INTS7: variants seen among roughly 807,000 people sequenced by gnomAD.
INTS7 encodes integrator complex subunit 7.
A neutral mutation model predicts 109.2 loss-of-function variants in INTS7; 46 were observed. That is an observed-to-expected ratio of 0.42 (90% CI 0.33 to 0.54). The LOEUF is 0.54. INTS7 is among the 20% of genes least tolerant of loss of function. The pLI, the probability that INTS7 is intolerant of heterozygous loss-of-function variation, is 0.07. For synonymous variants in INTS7, 412 were observed against 402.9 expected, an observed-to-expected ratio of 1.02 and a Z score of -0.27; for missense variants, 929 against 1,132.4, an observed-to-expected ratio of 0.82 and a Z score of 2.58.
At chr1:212,019,559 A>ATATC (rs1459266954) in intron 3 of INTS7, among the ~76,000 whole-genome samples, 4 of 152,232 alleles carry the variant, frequency 2.6e-5, no homozygotes, top group Non-Finnish European at 5.9e-5. Context: ...AGTTATAGAT[A>ATATC]TGATACTATA....
intron 17 of INTS7, among the ~76,000 whole-genome samples, chr1:211,951,960 AG>A (rs1195688492): frequency 6.6e-6 from 1 of 152,244 alleles, no homozygotes; most frequent in Non-Finnish European, 1.5e-5. Context: ...AGAACTTCTT[AG>A]GAAGTGCCAA....
intron 1 of INTS7, among the ~76,000 whole-genome samples, chr1:212,034,807 T>A (rs1667348407): frequency 6.6e-6 from 1 of 152,174 alleles, no homozygotes. Context: ...ACCAAGCTGC[T>A]CCCTGTACGG....
Position 211,959,637 on chromosome 1 carries a change from C to T in INTS7, c.2183+6793G>A, listed in dbSNP as rs890384243. ...GCCACTGCTGCTGGTGCATTCTGCC[C>T]CCATTACCCCCGCATTACCGCCATT... is the stretch of plus-strand genomic sequence containing the variant. On this transcript the variant is annotated intron_variant, in intron 16 of 19. Coordinates refer to ENST00000366994, the MANE Select transcript of INTS7 (RefSeq NM_015434.4). This position sits in a 1 kb window ranked among gnomAD's most constrained non-coding sequence, Gnocchi z 4.2. Among the ~76,000 whole-genome samples the T allele has an allele frequency of 2.0e-5, 3 of 152,082 alleles. No homozygotes were observed. Among genetic ancestry groups the T allele is most frequent in the African/African-American group, 4.8e-5 (2 of 41,392 alleles).
intron 4 of INTS7, among the ~76,000 whole-genome samples, chr1:212,014,744 C>A (rs1003785264): frequency 1.3e-5 from 2 of 152,084 alleles, no homozygotes; most frequent in Non-Finnish European, 2.9e-5. Flanking sequence ...GGGGTTTCGC[C>A]GTGTTGGCCG....
intron 10 of INTS7, among the ~76,000 whole-genome samples, chr1:211,979,223 C>T (rs80004403): frequency 6.6e-6 from 1 of 152,326 alleles, no homozygotes; most frequent in Non-Finnish European, 1.5e-5. Context: ...CTCTCTACCA[C>T]ATCATAAATC....
chr1:212,007,788 AAC>A (rs1400860659), intron 5 of INTS7, among the ~76,000 whole-genome samples: 1 of 152,152 alleles, frequency 6.6e-6, no homozygotes, highest in Non-Finnish European at 1.5e-5. Flanking sequence ...TATATACACA[AAC>A]ACACACACTT....
rs530133898 is a variant in INTS7 at position 211,952,361 on chromosome 1, C to T, written c.2316+208G>A. ...AGATTTTTATATATTAATATAACTA[C>T]GTAGCAGCTAGAGATGTGCTAAGTA... On this transcript the variant is annotated intron_variant, in intron 17 of 19. Coordinates refer to ENST00000366994, the MANE Select transcript of INTS7 (RefSeq NM_015434.4). 17 of 409,764 alleles carry T rather than the reference C, an allele frequency of 4.1e-5. No individual in the cohort carries two copies. The South Asian group carries it at 8.1e-4, about 20-fold the overall frequency. The allele number at this position is 409,764 out of a possible 1,614,324, so 25.4% of individuals were successfully genotyped here. A position where few individuals can be genotyped will look rare whatever the true frequency, so the allele number is the denominator to read the frequency against.
At chr1:212,018,987 C>G (rs991761362) in intron 3 of INTS7, among the ~76,000 whole-genome samples, 1 of 152,166 alleles carries the variant, frequency 6.6e-6, no homozygotes, top group African/African-American at 2.4e-5. Context: ...CAGTGGCTCA[C>G]GCCTGTAATC....
rs61828526 is a variant in INTS7, at chr1:211,946,354, A to C, written c.2415+253T>G. ...AAAAATCAGCTGCGTGAGGTGGTGG[A>C]TGCCTGTAATCCCAGTTCCTTGGGA... On this transcript the variant is annotated intron_variant, in intron 18 of 19. Coordinates refer to ENST00000366994, the MANE Select transcript of INTS7 (RefSeq NM_015434.4). The surrounding 1 kb of genome is among the most constrained non-coding windows in gnomAD (Gnocchi z 4.3). 0.035 allele frequency among the ~76,000 whole-genome samples: 5,304 copies of C among 152,260 alleles called. 145 individuals are homozygous for C. The highest frequency in any genetic ancestry group is 0.057 in the Non-Finnish European group (3,845 of 68,012).
At chr1:212,015,298 C>A (rs991829544) in intron 4 of INTS7, among the ~76,000 whole-genome samples, 11 of 152,132 alleles carry the variant, frequency 7.2e-5, no homozygotes, top group Non-Finnish European at 1.6e-4. Context: ...AAAGAAAGAT[C>A]AGATTGTTAC....
At position 211,961,616 on chromosome 1, in the gene INTS7, A is replaced by G. The variant is rs1663638101; in HGVS notation, c.2183+4814T>C. On this transcript the variant is annotated intron_variant, in intron 16 of 19. Transcript: ENST00000366994. ...GGCTAATTTTGTATTTTTAGTAGAGACGGGGTTTTACCATGTTGGCCAGGC... is the reference window on the plus strand; with the variant it reads ...GGCTAATTTTGTATTTTTAGTAGAGGCGGGGTTTTACCATGTTGGCCAGGC... Among the ~76,000 whole-genome samples the G allele has an allele frequency of 2.6e-5, 4 of 151,808 alleles. No homozygotes were observed. The South Asian group carries it at 8.3e-4, about 32-fold the overall frequency.
intron 7 of INTS7, among the ~76,000 whole-genome samples, chr1:211,988,899 A>G (rs1475991267): frequency 1.3e-5 from 2 of 152,208 alleles, no homozygotes; most frequent in Non-Finnish European, 2.9e-5. Flanking sequence ...ACCAAAAATA[A>G]GATGCTAGTT....
chr1:211,968,540 G>C lies in INTS7; in HGVS notation c.1983C>G (p.Leu661=). The change falls in exon 14 of 20, where the codon CTC becomes CTG. Residue 661 remains leucine (L), a synonymous_variant. Coordinates refer to ENST00000366994, the MANE Select transcript of INTS7 (RefSeq NM_015434.4). ...GATTGGAGATGCGACCACACCTCTG[G>C]AGGTCATTTCCTAAGGTCATGGCAA... is the stretch of plus-strand genomic sequence containing the variant. ...TTIAMTLGND[L]QRCGRISNQM... is the part of the protein sequence containing the mutation. 3.7e-6 allele frequency: 6 copies of C among 1,614,012 alleles called. No individual in the cohort carries two copies. Among genetic ancestry groups the C allele is most frequent in the Non-Finnish European group, 5.1e-6 (6 of 1,179,932 alleles).
chr1:211,946,822 A>T lies in INTS7; in HGVS notation c.2317-117T>A. 1 of 598,350 alleles carries T rather than the reference A, an allele frequency of 1.7e-6. No homozygotes were observed. The highest frequency in any genetic ancestry group is 2.2e-5 in the South Asian group (1 of 45,692). The allele number at this position is 598,350 out of a possible 1,614,324, so 37.1% of individuals were successfully genotyped here. A position where few individuals can be genotyped will look rare whatever the true frequency, so the allele number is the denominator to read the frequency against. Reference sequence around the variant, plus strand: ...ATAGATTATTACAAAGGTACATACCAATCAAGAACTAGGCATCACATCCAG... The same window carrying T: ...ATAGATTATTACAAAGGTACATACCTATCAAGAACTAGGCATCACATCCAG... On this transcript the variant is annotated intron_variant, in intron 17 of 19. Transcript: ENST00000366994. This position sits in a 1 kb window ranked among gnomAD's most constrained non-coding sequence, Gnocchi z 4.3.
intron 7 of INTS7, among the ~76,000 whole-genome samples, chr1:211,991,126 A>C (rs992910539): frequency 2.0e-5 from 3 of 152,242 alleles, no homozygotes. Context: ...TAAGTATTAC[A>C]AACTTTCAAA....
At chr1:211,968,020 T>C (rs1387720083) in intron 14 of INTS7, 39 bp from the exon 15 acceptor site, 1 of 1,124,050 alleles carries the variant, frequency 8.9e-7, no homozygotes, top group Non-Finnish European at 1.3e-6. Context: ...AAACATGCTA[T>C]CATTATTGTA....
intron 6 of INTS7, 30 bp downstream of exon 6, chr1:212,007,220 G>A: frequency 6.8e-7 from 1 of 1,461,548 alleles, no homozygotes; most frequent in Non-Finnish European, 9.6e-7. Context: ...GTTTACCAAA[G>A]ATAGGCAGTT....
At position 211,975,381 on chromosome 1, in the gene INTS7, A is replaced by C. The variant is rs1349141170; in HGVS notation, c.1609-9T>G. ...GCCATGTCATGATTACCCTAAAAAC[A>C]AAAAAAGAAAAGAAAAAAGAATAGA... is the stretch of plus-strand genomic sequence containing the variant. On this transcript the variant is annotated splice_polypyrimidine_tract_variant and intron_variant, in intron 12 of 19. Transcript: ENST00000366994. 2 of 1,603,248 alleles carry C rather than the reference A, an allele frequency of 1.2e-6. No homozygotes were observed. The highest frequency in any genetic ancestry group is 1.7e-6 in the Non-Finnish European group (2 of 1,171,802).
intron 17 of INTS7, among the ~76,000 whole-genome samples, chr1:211,951,230 T>C (rs957570880): frequency 1.3e-5 from 2 of 152,212 alleles, no homozygotes; most frequent in Admixed American, 1.3e-4. Flanking sequence ...AATTCGTATG[T>C]GGAAGCTGCA....
Sources: allele counts gnomAD v4.1 joint callset (sites outside exome capture counted in the v4.1 genomes callset), GRCh38; gene constraint gnomAD v4.1.1; non-coding constraint Gnocchi (gnomAD v3.1); transcripts MANE v1.5; gene names NCBI Gene and HGNC (gene_info 2026-07-23, HGNC 2026-07-21).